C14orf39: variants seen among roughly 807,000 people sequenced by gnomAD.
C14orf39 encodes protein SIX6OS1.
C14orf39 carries 66 observed loss-of-function variants against 85.6 expected under a neutral mutation model. The ratio of observed to expected loss-of-function variants is 0.77; its 90% CI spans 0.63 to 0.95. The LOEUF (loss-of-function observed/expected upper bound fraction) is 0.95, where lower values mean the gene tolerates loss of function less well. Ranked by LOEUF, C14orf39 falls within the 40% of genes least tolerant of loss-of-function variation. C14orf39 has a pLI of 0.00. For synonymous variants in C14orf39, 242 were observed against 214.0 expected (o/e 1.13, Z -1.14); for missense variants, 735 against 663.9 (o/e 1.11, Z -1.18).
chr14:60,496,505 CTG>C (rs1893072108), intron 2 of C14orf39: 1 of 241,624 alleles, frequency 4.1e-6, no homozygotes. Context: ...ACCATTCTTA[CTG>C]CTTGGACTGG....
Position 60,484,786 on chromosome 14 carries a change from C to T in C14orf39, c.106+95G>A, listed in dbSNP as rs776617262. Reference sequence around the variant, plus strand: ...GAGAGAACTGACACAAAAGTTATAACGCCAACAATAAGTTGCCCTAAACAG... The same window carrying T: ...GAGAGAACTGACACAAAAGTTATAATGCCAACAATAAGTTGCCCTAAACAG... On this transcript the variant is annotated intron_variant, in intron 3 of 17. Transcript: ENST00000321731. The surrounding 1 kb of genome is among the most constrained non-coding windows in gnomAD (Gnocchi z 4.2). The T allele has an allele frequency of 5.8e-5, 49 of 848,276 alleles. No individual in the cohort carries two copies. The highest frequency in any genetic ancestry group is 8.8e-5 in the Admixed American group (3 of 34,242). The allele number at this position is 848,276 out of a possible 1,614,324, so 52.5% of individuals were successfully genotyped here.
Position 60,491,139 on chromosome 14 carries a change from A to G in C14orf39, c.-8-6053T>C, listed in dbSNP as rs1892982985. Reference sequence around the variant, plus strand: ...AAGCTATCTTAGTCCATCCTGCACTATAACAAAACACCACTACCTAGATAA... The same window carrying G: ...AAGCTATCTTAGTCCATCCTGCACTGTAACAAAACACCACTACCTAGATAA... On this transcript the variant is annotated intron_variant, in intron 2 of 5. Transcript: ENST00000556799. This position sits in a 1 kb window ranked among gnomAD's most constrained non-coding sequence, Gnocchi z 4.5. Among the ~76,000 whole-genome samples, 1 of 152,332 alleles carries G rather than the reference A, an allele frequency of 6.6e-6. No individual in the cohort carries two copies. Among genetic ancestry groups the G allele is most frequent in the Non-Finnish European group, 1.5e-5 (1 of 68,024 alleles).
chr14:60,440,586 T>C (rs1236101915), intron 17 of C14orf39, among the ~76,000 whole-genome samples: 1 of 152,198 alleles, frequency 6.6e-6, no homozygotes, highest in African/African-American at 2.4e-5. Context: ...CTTGTTTCCA[T>C]ACAGTCTGTT....
chr14:60,471,060 T>C (rs1241957373), intron 7 of C14orf39, among the ~76,000 whole-genome samples: 2 of 151,900 alleles, frequency 1.3e-5, no homozygotes, highest in African/African-American at 2.4e-5. Flanking sequence ...CAGTGATGAA[T>C]GAATAAATGT....
At chr14:60,490,334 T>C (rs528810924), upstream of C14orf39, among the ~76,000 whole-genome samples, 67 of 152,230 alleles carry the variant, frequency 4.4e-4, no homozygotes, top group Admixed American at 9.8e-4. Context: ...CCAGGCATGG[T>C]GGCTCACACC....
chr14:60,474,777 T>C (rs1275491586), intron 5 of C14orf39, among the ~76,000 whole-genome samples: 7 of 152,062 alleles, frequency 4.6e-5, no homozygotes, highest in African/African-American at 1.7e-4. Context: ...GATAAGCTTT[T>C]TGATGTGCTG....
chr14:60,503,048 A>C (rs1893165492), intron 1 of C14orf39, among the ~76,000 whole-genome samples: 1 of 152,226 alleles, frequency 6.6e-6, no homozygotes, highest in Non-Finnish European at 1.5e-5. Context: ...CTTTTGGAAG[A>C]CCTGACAAAA....
intron 16 of C14orf39, among the ~76,000 whole-genome samples, chr14:60,449,909 T>C (rs549811020): frequency 6.6e-6 from 1 of 152,372 alleles, no homozygotes; most frequent in South Asian, 2.1e-4. Context: ...ATTTTCCTAA[T>C]GCAGTTTAAA....
rs540100155 is a variant in C14orf39 at position 60,452,064 on chromosome 14, A to G, written c.1503+2937T>C. Reference sequence around the variant, plus strand: ...TAGCCAGGCATGGTGGCACACGCCTATAGTCCCAGCTACTCGGGAGGATGA... The same window carrying G: ...TAGCCAGGCATGGTGGCACACGCCTGTAGTCCCAGCTACTCGGGAGGATGA... On this transcript the variant is annotated intron_variant, in intron 16 of 17. Transcript: ENST00000321731. Among the ~76,000 whole-genome samples the G allele has an allele frequency of 2.0e-5, 3 of 150,846 alleles. No individual in the cohort carries two copies. In the East Asian group the frequency reaches 5.9e-4, roughly 30 times the overall value.
chr14:60,465,409 C>T (rs192475441), intron 11 of C14orf39, among the ~76,000 whole-genome samples: 3 of 152,226 alleles, frequency 2.0e-5, no homozygotes, highest in African/African-American at 7.2e-5. Context: ...TCAAGAACCA[C>T]CCAGGGGACC....
intron 9 of C14orf39, among the ~76,000 whole-genome samples, chr14:60,467,822 A>G (rs1186133811): frequency 6.6e-6 from 1 of 151,768 alleles, no homozygotes; most frequent in Non-Finnish European, 1.5e-5. Context: ...ACTTGAGGAA[A>G]GGAGTTTCAG....
At chr14:60,489,758 C>G (rs1202765319), upstream of C14orf39, among the ~76,000 whole-genome samples, 1 of 152,152 alleles carries the variant, frequency 6.6e-6, no homozygotes, top group African/African-American at 2.4e-5. Flanking sequence ...ATGGTCAAGT[C>G]TATACCAGAA....
At chr14:60,450,131 T>C (rs971635849) in intron 16 of C14orf39, among the ~76,000 whole-genome samples, 2 of 152,114 alleles carry the variant, frequency 1.3e-5, no homozygotes, top group Non-Finnish European at 2.9e-5. Flanking sequence ...ACCCCATCTG[T>C]TTAAGAAAAG....
chr14:60,508,442 A>G (rs1386010527), intron 1 of C14orf39, among the ~76,000 whole-genome samples: 1 of 152,084 alleles, frequency 6.6e-6, no homozygotes, highest in Non-Finnish European at 1.5e-5. Context: ...TTCTTTTCTT[A>G]AAGTGTCTGA....
upstream of C14orf39, among the ~76,000 whole-genome samples, chr14:60,486,668 G>A (rs991061512): frequency 6.6e-6 from 1 of 152,174 alleles, no homozygotes; most frequent in Non-Finnish European, 1.5e-5. Flanking sequence ...CCTCCAAAGT[G>A]CCTCAATCCT....
chr14:60,443,126 C>G (rs1017762860), intron 16 of C14orf39, among the ~76,000 whole-genome samples: 2 of 152,116 alleles, frequency 1.3e-5, no homozygotes, highest in African/African-American at 4.8e-5. Flanking sequence ...CAGGTGATCT[C>G]TGCATTTCCA....
At chr14:60,440,017 G>A (rs989689237) in intron 17 of C14orf39, among the ~76,000 whole-genome samples, 2 of 152,184 alleles carry the variant, frequency 1.3e-5, no homozygotes, top group African/African-American at 4.8e-5. Flanking sequence ...GGAGGTTGCC[G>A]TGAGCCGAGA....
chr14:60,483,529 T>G (rs1485913393), intron 4 of C14orf39, among the ~76,000 whole-genome samples, 162 bp downstream of exon 4: 6 of 152,220 alleles, frequency 3.9e-5, no homozygotes, highest in Non-Finnish European at 8.8e-5. Context: ...ATTTCTCTTC[T>G]GATCCTCCTA....
At chr14:60,446,782 T>G (rs1229563142) in intron 16 of C14orf39, among the ~76,000 whole-genome samples, 2 of 152,110 alleles carry the variant, frequency 1.3e-5, no homozygotes, top group East Asian at 3.8e-4. Flanking sequence ...CTGATGAACA[T>G]CAATGTGAAA....
Sources: allele counts gnomAD v4.1 joint callset (sites outside exome capture counted in the v4.1 genomes callset), GRCh38; gene constraint gnomAD v4.1.1; non-coding constraint Gnocchi (gnomAD v3.1); transcripts MANE v1.5; gene names NCBI Gene and HGNC (gene_info 2026-07-23, HGNC 2026-07-21).